The following TRRAP variants were observed in gnomAD, a reference collection of about 807,000 sequenced individuals.
TRRAP encodes transformation/transcription domain-associated protein.
Under a neutral mutation model 438.8 loss-of-function variants are expected in TRRAP, and 41 were observed. The observed-to-expected ratio is 0.09, with a 90% CI of 0.07 to 0.12. The LOEUF (loss-of-function observed/expected upper bound fraction) is 0.12, where lower values mean the gene tolerates loss of function less well. Ranked by LOEUF, TRRAP falls within the 10% of genes least tolerant of loss-of-function variation. The probability of loss-of-function intolerance (pLI) is 1.00; values close to 1 mark genes in which losing one functional copy is unlikely to be tolerated. For synonymous variants in TRRAP, 1,994 were observed against 1,962.9 expected, an observed-to-expected ratio of 1.02 and a Z score of -0.42; for missense variants, 3,122 against 5,055.1, an observed-to-expected ratio of 0.62 and a Z score of 11.60.
rs1055140356 is a variant in TRRAP at position 98,943,080 on chromosome 7, G to A, written c.4473+63G>A. Reference sequence around the variant, plus strand: ...GCCATGCTGGGTCAGTGCTAATGCCGGGACAGTGCTTTCATTAAAATGCCG... The same window carrying A: ...GCCATGCTGGGTCAGTGCTAATGCCAGGACAGTGCTTTCATTAAAATGCCG... On this transcript the variant is annotated intron_variant, in intron 31 of 72. Transcript: ENST00000456197. 3.3e-5 allele frequency: 51 copies of A among 1,557,128 alleles called. No individual in the cohort carries two copies. The African/African-American group carries it at 3.4e-4, about 10-fold the overall frequency.
intron 1 of TRRAP, among the ~76,000 whole-genome samples, chr7:98,879,483 G>A (rs1795321281): frequency 1.3e-5 from 2 of 151,906 alleles, no homozygotes; most frequent in Non-Finnish European, 2.9e-5. Flanking sequence ...GGCAAGGAGA[G>A]ACCGTAACCC....
chr7:98,950,483 C>T (rs1163693922), intron 38 of TRRAP, among the ~76,000 whole-genome samples: 1 of 152,268 alleles, frequency 6.6e-6, no homozygotes, highest in African/African-American at 2.4e-5. Context: ...AATCACACCA[C>T]TGCATCCCAG....
chr7:98,958,207 T>C, intron 44 of TRRAP, 116 bp downstream of exon 44: 2 of 842,080 alleles, frequency 2.4e-6, no homozygotes, highest in East Asian at 5.7e-5. Flanking sequence ...AACCAAGGTC[T>C]GCCAGCTGGT....
intron 70 of TRRAP, among the ~76,000 whole-genome samples, chr7:99,009,509 G>C (rs1794338578): frequency 6.6e-6 from 1 of 152,196 alleles, no homozygotes; most frequent in Non-Finnish European, 1.5e-5. Flanking sequence ...CCCTGTTTCT[G>C]ATCAGCCTCT....
At chr7:98,966,382 A>C (rs1380862241) in intron 49 of TRRAP, among the ~76,000 whole-genome samples, 1 of 152,128 alleles carries the variant, frequency 6.6e-6, no homozygotes, top group Non-Finnish European at 1.5e-5. Context: ...GCTCATCTTA[A>C]TGTGGCTTTG....
intron 68 of TRRAP, 25 bp downstream of exon 68, chr7:99,004,440 G>T (rs745503733): frequency 1.9e-6 from 3 of 1,602,530 alleles, no homozygotes; most frequent in East Asian, 2.2e-5. Context: ...CTGGCAGGTG[G>T]AACTAACCCA....
intron 53 of TRRAP, among the ~76,000 whole-genome samples, chr7:98,972,695 C>T (rs1792473311): frequency 1.3e-5 from 2 of 152,188 alleles, no homozygotes; most frequent in African/African-American, 2.4e-5. Context: ...AGGTATTTTT[C>T]TGTTCTTTCA....
intron 18 of TRRAP, among the ~76,000 whole-genome samples, chr7:98,913,011 T>G (rs184169893): frequency 1.9e-4 from 29 of 152,314 alleles, no homozygotes; most frequent in African/African-American, 7.0e-4. Flanking sequence ...GGTCTTTTGC[T>G]CTTAAGTTCC....
Position 98,899,759 on chromosome 7 carries a change from A to G in TRRAP, c.792A>G (p.Ala264=), listed in dbSNP as rs1554406343. ...IMNTIAIQVS[A]QARQHKLYNK... is the part of the protein sequence containing the mutation. ...ACACCATTGCCATTCAGGTGTCTGC[A>G]CAAGCGAGGTGAGGCGTCACTGTAG... Residue 264 remains alanine (A), a synonymous_variant, in exon 10 of 73, where the codon GCA becomes GCG. Coordinates refer to ENST00000456197, the MANE Select transcript of TRRAP (RefSeq NM_001375524.1). 6.2e-7 allele frequency: 1 copy of G among 1,614,148 alleles called. No individual in the cohort carries two copies. Among genetic ancestry groups the G allele is most frequent in the Admixed American group, 1.7e-5 (1 of 60,024 alleles).
At chr7:98,939,405 T>C (rs978566545) in intron 30 of TRRAP, among the ~76,000 whole-genome samples, 18 of 152,224 alleles carry the variant, frequency 1.2e-4, no homozygotes, top group African/African-American at 3.9e-4. Flanking sequence ...ATCTCTCATA[T>C]ATGAAAGACA....
intron 63 of TRRAP, among the ~76,000 whole-genome samples, chr7:98,989,688 G>A (rs904358778): frequency 4.6e-5 from 7 of 152,212 alleles, no homozygotes; most frequent in Admixed American, 3.3e-4. Flanking sequence ...GCCTGGCTCC[G>A]GGTTGCTTAC....
At chr7:98,988,402 T>C (rs1042125751) in intron 62 of TRRAP, among the ~76,000 whole-genome samples, 3 of 152,222 alleles carry the variant, frequency 2.0e-5, no homozygotes, top group Non-Finnish European at 2.9e-5. Flanking sequence ...ATGTTCTATG[T>C]GTGCAATGGA....
intron 58 of TRRAP, 41 bp downstream of exon 58, chr7:98,978,945 C>T (rs1792788753): frequency 6.2e-7 from 1 of 1,609,528 alleles, no homozygotes; most frequent in Non-Finnish European, 8.5e-7. Context: ...GCCTGGGTCC[C>T]TTTTCCTGAA....
intron 7 of TRRAP, among the ~76,000 whole-genome samples, chr7:98,896,377 G>C (rs1554405727): frequency 6.6e-6 from 1 of 152,058 alleles, no homozygotes; most frequent in African/African-American, 2.4e-5. Context: ...GCTTCTTCCA[G>C]ACTCTTCTTC....
At chr7:98,897,595 G>A in intron 7 of TRRAP, 146 bp from the exon 8 acceptor site, 1 of 1,040,826 alleles carries the variant, frequency 9.6e-7, no homozygotes, top group Non-Finnish European at 1.4e-6. Flanking sequence ...AAATACTGTG[G>A]AGTTGGTGCA....
In TRRAP at chr7:98,959,370, G is replaced by C. The variant is rs756336711; in HGVS notation, c.6369G>C (p.Gly2123=). 6.2e-7 allele frequency: 1 copy of C among 1,614,066 alleles called. No individual in the cohort carries two copies. ...TTAATGACAACACCAACACAGCGGG[G>C]TCCCCTGGGGAGGTGCTCTCTCGCC... ...CQVNDNTNTA[G]SPGEVLSRRC... is the part of the protein sequence containing the mutation. Residue 2123 remains glycine, a synonymous_variant, in exon 45 of 73, where the codon GGG becomes GGC. Transcript: ENST00000456197.
chr7:98,899,571 A>G (rs782196064), intron 9 of TRRAP, 72 bp downstream of exon 9: 23 of 1,603,800 alleles, frequency 1.4e-5, no homozygotes, highest in Admixed American at 3.3e-5. Flanking sequence ...GGGCCAAAAG[A>G]TGTGTATAAT....
At chr7:98,947,637 G>A (rs1193868527) in intron 33 of TRRAP, among the ~76,000 whole-genome samples, 1 of 152,060 alleles carries the variant, frequency 6.6e-6, no homozygotes, top group African/African-American at 2.4e-5. Flanking sequence ...TGTATTTTTA[G>A]TAGAGACGGG....
rs1554409516 is a variant in TRRAP at position 98,915,914 on chromosome 7, T to C, written c.2365+26T>C. Reference sequence around the variant, plus strand: ...GTCAGAGCAGTGACTTTGGTTGCCTTTTAGTCTTGTGTGTCATGTAGTCAT... The same window carrying C: ...GTCAGAGCAGTGACTTTGGTTGCCTCTTAGTCTTGTGTGTCATGTAGTCAT... On this transcript the variant is annotated intron_variant, in intron 19 of 72. Transcript: ENST00000456197. The C allele has an allele frequency of 1.9e-6, 3 of 1,613,302 alleles. No homozygotes were observed. In the South Asian group the frequency reaches 3.3e-5, roughly 18 times the overall value.
Sources: gnomAD v4.1 joint callset for allele counts (sites outside exome capture counted in the v4.1 genomes callset) on GRCh38, gnomAD v4.1.1 for gene constraint, MANE v1.5 for transcripts, NCBI Gene and HGNC (gene_info 2026-07-23, HGNC 2026-07-21) for gene names.